Variants in NSMCE2 observed in about 807,000 individuals in gnomAD.
The protein encoded by NSMCE2 is NSE2 SUMO ligase component of SMC5/6 complex.
Under a neutral mutation model 23.8 loss-of-function variants are expected in NSMCE2, and 24 were observed. That is an observed-to-expected ratio of 1.01 (90% confidence interval 0.73 to 1.42). The LOEUF is 1.42. Ranked by LOEUF, NSMCE2 falls within the 40% of genes most tolerant of loss-of-function variation. The probability of loss-of-function intolerance (pLI) is 0.00; values close to 1 mark genes in which losing one functional copy is unlikely to be tolerated. For synonymous variants in NSMCE2, 92 were observed against 94.1 expected, an observed-to-expected ratio of 0.98 and a Z score of 0.13; for missense variants, 284 against 296.5, an observed-to-expected ratio of 0.96 and a Z score of 0.31.
chr8:125,111,841 A>G (rs987074812), intron 3 of NSMCE2, among the ~76,000 whole-genome samples: 1 of 152,202 alleles, frequency 6.6e-6, no homozygotes, highest in Non-Finnish European at 1.5e-5. Flanking sequence ...ATAATTGGAT[A>G]TGTCAATACA....
intron 5 of NSMCE2, among the ~76,000 whole-genome samples, chr8:125,267,003 CTTTTTTTTTT>C (rs35990794): frequency 2.7e-5 from 3 of 111,990 alleles, no homozygotes; most frequent in Non-Finnish European, 5.3e-5. Context: ...TTTTTTCTTT[CTTTTTTTTTT>C]TTTTTTTTTG....
At chr8:125,304,134 T>G (rs1325266230) in intron 5 of NSMCE2, among the ~76,000 whole-genome samples, 3 of 152,218 alleles carry the variant, frequency 2.0e-5, no homozygotes, top group Non-Finnish European at 2.9e-5. Flanking sequence ...TTTGACTGAT[T>G]TAGACTGTGG....
chr8:125,344,150 C>T (rs1013249982), intron 5 of NSMCE2, among the ~76,000 whole-genome samples: 1 of 152,110 alleles, frequency 6.6e-6, no homozygotes, highest in Non-Finnish European at 1.5e-5. Context: ...TTAAAGTTCC[C>T]TTTTTTACTA....
chr8:125,222,936 C>T (rs1355034208), intron 5 of NSMCE2, among the ~76,000 whole-genome samples: 1 of 151,994 alleles, frequency 6.6e-6, no homozygotes, highest in Admixed American at 6.6e-5. Context: ...GTGGTGTGTG[C>T]CTGTATTCCC....
intron 4 of NSMCE2, among the ~76,000 whole-genome samples, chr8:125,176,328 C>T (rs933459668): frequency 1.1e-4 from 16 of 152,222 alleles, no homozygotes; most frequent in Non-Finnish European, 2.9e-5. Context: ...CAGCATTTGA[C>T]AGATCTCGAA....
At chr8:125,116,606 G>A (rs540230988) in intron 3 of NSMCE2, among the ~76,000 whole-genome samples, 59 of 152,224 alleles carry the variant, frequency 3.9e-4, no homozygotes, top group African/African-American at 1.3e-3. Flanking sequence ...ACATGGGAGT[G>A]TCTGTGTTTT....
intron 5 of NSMCE2, among the ~76,000 whole-genome samples, chr8:125,215,903 C>T (rs1264846619): frequency 6.6e-6 from 1 of 152,274 alleles, no homozygotes; most frequent in East Asian, 1.9e-4. Context: ...GGCAACATAA[C>T]GAGACCCTGT....
At chr8:125,163,831 G>C (rs1014221881) in intron 4 of NSMCE2, among the ~76,000 whole-genome samples, 15 of 152,176 alleles carry the variant, frequency 9.9e-5, no homozygotes, top group Admixed American at 2.6e-4. Context: ...GTTTCCCACA[G>C]AAATGACAGT....
intron 3 of NSMCE2, among the ~76,000 whole-genome samples, chr8:125,121,495 A>G (rs1009890174): frequency 6.6e-6 from 1 of 152,228 alleles, no homozygotes; most frequent in Non-Finnish European, 1.5e-5. Flanking sequence ...TTGTTAGCAG[A>G]TAAGGCAAAT....
chr8:125,109,584 C>A (rs1471145526), intron 3 of NSMCE2, among the ~76,000 whole-genome samples: 1 of 152,154 alleles, frequency 6.6e-6, no homozygotes, highest in African/African-American at 2.4e-5. Context: ...ACATAGGTAT[C>A]ATTTTATCAC....
At chr8:125,191,910 A>G (rs1823358835) in intron 5 of NSMCE2, among the ~76,000 whole-genome samples, 1 of 152,300 alleles carries the variant, frequency 6.6e-6, no homozygotes. Context: ...ATATTTACCC[A>G]GTGTCTCACA....
Position 125,121,172 on chromosome 8 carries a change from T to C in NSMCE2, c.157+18685T>C, listed in dbSNP as rs1819246087. 2.0e-5 allele frequency among the ~76,000 whole-genome samples: 3 copies of C among 152,156 alleles called. No homozygotes were observed. The South Asian group carries it at 6.2e-4, about 32-fold the overall frequency. The stretch of plus-strand genomic sequence containing the variant: ...GTTAGTTGGAAAAGCTATATATACA[T>C]GGTGAGAAGTTATAGGTAGCGTGCT... On this transcript the variant is annotated intron_variant, in intron 3 of 7. Coordinates refer to ENST00000287437, the MANE Select transcript of NSMCE2 (RefSeq NM_173685.4).
At chr8:125,214,091 A>G (rs1824472117) in intron 5 of NSMCE2, among the ~76,000 whole-genome samples, 1 of 152,196 alleles carries the variant, frequency 6.6e-6, no homozygotes, top group Admixed American at 6.5e-5. Context: ...GTTTTCAAAT[A>G]TTATAATTGT....
At position 125,151,154 on chromosome 8, in the gene NSMCE2, A is replaced by G. The variant is rs77113123; in HGVS notation, c.158-17A>G. The G allele has an allele frequency of 1.2e-3, 1,631 of 1,387,682 alleles. 19 individuals carry two copies. In the African/African-American group the frequency reaches 0.02, roughly 17 times the overall value. 86.0% of individuals were successfully genotyped at this position (1,387,682 alleles called of 1,614,324 possible). A position where few individuals can be genotyped will look rare whatever the true frequency, so the allele number is the denominator to read the frequency against. On this transcript the variant is annotated splice_polypyrimidine_tract_variant and intron_variant, in intron 3 of 7. Coordinates refer to ENST00000287437, the MANE Select transcript of NSMCE2 (RefSeq NM_173685.4). Reference sequence around the variant, plus strand: ...TTTTAAATGGAAAATAATAATTGCAATTTTTTTTTCTTTCAGCTGAAGTGA... The same window carrying G: ...TTTTAAATGGAAAATAATAATTGCAGTTTTTTTTTCTTTCAGCTGAAGTGA...
chr8:125,264,954 C>A (rs1826852958), intron 5 of NSMCE2, among the ~76,000 whole-genome samples: 1 of 152,116 alleles, frequency 6.6e-6, no homozygotes, highest in South Asian at 2.1e-4. Flanking sequence ...TGAGAAATCT[C>A]AAACCAGGAG....
chr8:125,217,399 C>T (rs921686803), intron 5 of NSMCE2, among the ~76,000 whole-genome samples: 1 of 151,790 alleles, frequency 6.6e-6, no homozygotes, highest in African/African-American at 2.4e-5. Context: ...CTTGCTGTGT[C>T]ACCCAGGCTG....
chr8:125,305,389 C>T (rs1202715113), intron 5 of NSMCE2, among the ~76,000 whole-genome samples: 1 of 152,192 alleles, frequency 6.6e-6, no homozygotes, highest in African/African-American at 2.4e-5. Context: ...ACCAAAGCCT[C>T]ACTTTACACC....
At chr8:125,121,507 G>A (rs762642360) in intron 3 of NSMCE2, among the ~76,000 whole-genome samples, 1 of 152,136 alleles carries the variant, frequency 6.6e-6, no homozygotes, top group Non-Finnish European at 1.5e-5. Context: ...AAGGCAAATA[G>A]GTATCCATGC....
intron 5 of NSMCE2, among the ~76,000 whole-genome samples, chr8:125,233,879 A>G (rs1372368911): frequency 1.3e-5 from 2 of 152,004 alleles, no homozygotes; most frequent in Admixed American, 6.6e-5. Context: ...TTGATTATTT[A>G]TTTAGAAAAA....
Sources: gnomAD v4.1 joint callset for allele counts (sites outside exome capture counted in the v4.1 genomes callset) on GRCh38, gnomAD v4.1.1 for gene constraint, MANE v1.5 for transcripts, NCBI Gene and HGNC (gene_info 2026-07-23, HGNC 2026-07-21) for gene names.